The following ITGB6 variants were observed in gnomAD, a reference collection of about 807,000 sequenced individuals.
The protein encoded by ITGB6 is integrin subunit beta 6.
ITGB6 carries 80 observed loss-of-function variants against 84.5 expected under a neutral mutation model. The ratio of observed to expected loss-of-function variants is 0.95; its 90% confidence interval spans 0.79 to 1.14. The LOEUF (loss-of-function observed/expected upper bound fraction) is 1.14. Among genes scored for constraint, ITGB6 ranks in the 50% most tolerant of loss-of-function variants. ITGB6 has a pLI of 0.00. For missense variants in ITGB6, 1,006 were observed against 968.0 expected (o/e 1.04, Z -0.52); for synonymous variants, 383 against 354.9 (o/e 1.08, Z -0.89).
intron 4 of ITGB6, among the ~76,000 whole-genome samples, chr2:160,191,649 G>T (rs1018953701): frequency 6.6e-6 from 1 of 152,094 alleles, no homozygotes; most frequent in South Asian, 2.1e-4. Context: ...ACTTAAAAGG[G>T]TACTGGAGAC....
At chr2:160,175,806 T>C (rs1203144708) in intron 4 of ITGB6, among the ~76,000 whole-genome samples, 2 of 152,252 alleles carry the variant, frequency 1.3e-5, no homozygotes, top group Non-Finnish European at 2.9e-5. Context: ...GATTTGTTAA[T>C]GAAAATGTGA....
At chr2:160,187,930 G>T (rs993724596) in intron 4 of ITGB6, among the ~76,000 whole-genome samples, 1 of 151,980 alleles carries the variant, frequency 6.6e-6, no homozygotes, top group Non-Finnish European at 1.5e-5. Context: ...AAAGTTTGAG[G>T]ACCACTAGAT....
At chr2:160,150,295 C>T (rs922009895) in intron 7 of ITGB6, among the ~76,000 whole-genome samples, 2 of 152,068 alleles carry the variant, frequency 1.3e-5, no homozygotes, top group African/African-American at 4.8e-5. Context: ...AGAGTGGGGG[C>T]CAATATTCAA....
At chr2:160,195,919 A>G (rs1416695239) in intron 3 of ITGB6, among the ~76,000 whole-genome samples, 1 of 152,220 alleles carries the variant, frequency 6.6e-6, no homozygotes, top group African/African-American at 2.4e-5. Flanking sequence ...GAACCAAATA[A>G]AAGAGAGTTT....
At position 160,172,635 on chromosome 2, in the gene ITGB6, G is replaced by A. The variant is rs754214308; in HGVS notation, c.855C>T (p.Ile285=). 5.6e-5 allele frequency: 90 copies of A among 1,612,012 alleles called. 1 individual carries two copies. In the Middle Eastern group the frequency reaches 1.2e-3, roughly 21 times the overall value. Residue 285 remains isoleucine, a synonymous_variant, in exon 6 of 15, where the codon ATC becomes ATT. Coordinates refer to ENST00000283249, the MANE Select transcript of ITGB6 (RefSeq NM_000888.5). Reference sequence around the variant, plus strand: ...GACAGAGCCCGTCATTAGGAATGACGATGCCTGCTAGTTTGCTGTCCATTC... The same window carrying A: ...GACAGAGCCCGTCATTAGGAATGACAATGCCTGCTAGTTTGCTGTCCATTC... The part of the protein sequence containing the change: ...HFGMDSKLAG[I]VIPNDGLCHL...
At chr2:160,188,935 C>T (rs2105890354) in intron 4 of ITGB6, among the ~76,000 whole-genome samples, 1 of 152,196 alleles carries the variant, frequency 6.6e-6, no homozygotes, top group Middle Eastern at 3.4e-3. Context: ...AGGCATCACG[C>T]TACCGGACTT....
chr2:160,184,749 A>G (rs1218245320), intron 4 of ITGB6, among the ~76,000 whole-genome samples: 3 of 152,206 alleles, frequency 2.0e-5, no homozygotes, highest in Non-Finnish European at 4.4e-5. Flanking sequence ...TGGCAAACCG[A>G]ATCCAGCAGC....
At chr2:160,144,578 T>G (rs1270760125) in intron 7 of ITGB6, among the ~76,000 whole-genome samples, 3 of 152,088 alleles carry the variant, frequency 2.0e-5, no homozygotes, top group Non-Finnish European at 4.4e-5. Flanking sequence ...CAAAGAAAAG[T>G]TTTGGTCTCT....
intron 14 of ITGB6, among the ~76,000 whole-genome samples, chr2:160,104,996 T>A (rs1696854787): frequency 6.6e-6 from 1 of 152,324 alleles, no homozygotes; most frequent in Admixed American, 6.5e-5. Context: ...CCAGTCAAAT[T>A]CACTTCTTCA....
At chr2:160,161,515 T>C (rs1684814474) in intron 7 of ITGB6, among the ~76,000 whole-genome samples, 1 of 152,122 alleles carries the variant, frequency 6.6e-6, no homozygotes, top group Admixed American at 6.6e-5. Flanking sequence ...GTTCTCGAAC[T>C]CCTGACCTCG....
intron 7 of ITGB6, among the ~76,000 whole-genome samples, chr2:160,158,142 C>T (rs1198700591): frequency 1.3e-5 from 2 of 152,150 alleles, no homozygotes; most frequent in African/African-American, 2.4e-5. Context: ...TTCAGGCTTT[C>T]GATTGTCAGC....
At chr2:160,165,767 C>A (rs1684978963) in intron 7 of ITGB6, among the ~76,000 whole-genome samples, 1 of 152,166 alleles carries the variant, frequency 6.6e-6, no homozygotes, top group African/African-American at 2.4e-5. Flanking sequence ...GGCTGTGGAG[C>A]TTCTCCAACA....
In ITGB6 at chr2:160,100,019, T is replaced by G. The variant is rs536631652; in HGVS notation, c.*1717A>C. ...GTAGATTTCCCCCAGGTTCTGCGCA[T>G]CAGTCAGGAACATAAAGGGTATATC... On this transcript the variant is annotated 3_prime_UTR_variant, in exon 15 of 15. Coordinates refer to ENST00000283249, the MANE Select transcript of ITGB6 (RefSeq NM_000888.5). 1 of 152,216 alleles carries G rather than the reference T, an allele frequency of 6.6e-6. No individual in the cohort carries two copies. The highest frequency in any genetic ancestry group is 1.5e-5 in the Non-Finnish European group (1 of 68,048). 9.4% of individuals were successfully genotyped at this position (152,216 alleles called of 1,614,324 possible). A position where few individuals can be genotyped will look rare whatever the true frequency, so the allele number is the denominator to read the frequency against.
At chr2:160,153,836 T>C (rs1684520937) in intron 7 of ITGB6, among the ~76,000 whole-genome samples, 1 of 152,140 alleles carries the variant, frequency 6.6e-6, no homozygotes, top group South Asian at 2.1e-4. Context: ...GAAAAATCGC[T>C]CGTCATCACT....
At chr2:160,187,143 C>T (rs868162043) in intron 4 of ITGB6, among the ~76,000 whole-genome samples, 16 of 152,018 alleles carry the variant, frequency 1.1e-4, no homozygotes, top group Non-Finnish European at 4.4e-5. Context: ...AAAAACAATA[C>T]TTCTCAATAC....
At chr2:160,146,218 C>T (rs1027200748) in intron 7 of ITGB6, among the ~76,000 whole-genome samples, 2 of 152,126 alleles carry the variant, frequency 1.3e-5, no homozygotes, top group African/African-American at 4.8e-5. Flanking sequence ...TTAATGGATG[C>T]ATAATAAACT....
At chr2:160,129,392 CAAAAA>C (rs374921878) in intron 10 of ITGB6, among the ~76,000 whole-genome samples, 3 of 126,822 alleles carry the variant, frequency 2.4e-5, no homozygotes, top group Admixed American at 8.1e-5. Flanking sequence ...TACTTTTCTT[CAAAAA>C]AAAAAAAAAA....
intron 12 of ITGB6, among the ~76,000 whole-genome samples, chr2:160,114,677 C>T (rs1408858297): frequency 6.6e-5 from 10 of 152,106 alleles, no homozygotes; most frequent in African/African-American, 1.9e-4. Context: ...GTGCGCGCAC[C>T]GTGCGCGAGC....
chr2:160,101,811 T>C lies in ITGB6; in HGVS notation c.2292A>G (p.Gly764=). ...TTACATTTTTAAAAGTACTTGTGGA[T>C]CCTCTGTAGAGTGGATTGGTTCCCT... ...WQTGTNPLYR[G]STSTFKNVTY... is the part of the protein sequence containing the mutation. Residue 764 remains glycine (G), a synonymous_variant, in exon 15 of 15, where the codon GGA becomes GGG. Coordinates refer to ENST00000283249, the MANE Select transcript of ITGB6 (RefSeq NM_000888.5). 6.3e-7 allele frequency: 1 copy of C among 1,590,938 alleles called. No individual in the cohort carries two copies. The highest frequency in any genetic ancestry group is 8.6e-7 in the Non-Finnish European group (1 of 1,162,524).
Sources: gnomAD v4.1 joint callset for allele counts (sites outside exome capture counted in the v4.1 genomes callset) on GRCh38, gnomAD v4.1.1 for gene constraint, MANE v1.5 for transcripts, NCBI Gene and HGNC (gene_info 2026-07-23, HGNC 2026-07-21) for gene names.